KCNN2: variants seen among roughly 807,000 people sequenced by gnomAD.
The protein encoded by KCNN2 is small conductance calcium-activated potassium channel protein 2.
Under a neutral mutation model 55.5 loss-of-function variants are expected in KCNN2, and 24 were observed. The observed-to-expected ratio is 0.43, with a 90% CI of 0.31 to 0.61. KCNN2 has a LOEUF of 0.61. Among genes scored for constraint, KCNN2 ranks in the 20% least tolerant of loss-of-function variants. KCNN2 has a pLI of 0.08. For missense variants in KCNN2, 754 were observed against 853.6 expected (o/e 0.88, Z 1.45); for synonymous variants, 431 against 336.1 (o/e 1.28, Z -3.09).
At chr5:114,162,052 C>T (rs904562290) in intron 1 of KCNN2, among the ~76,000 whole-genome samples, 2 of 152,230 alleles carry the variant, frequency 1.3e-5, no homozygotes, top group African/African-American at 4.8e-5. Flanking sequence ...TGAGGAGCTG[C>T]ATTCCTTTGG....
At chr5:114,487,242 T>C in intron 6 of KCNN2, 65 bp downstream of exon 6, 1 of 1,434,960 alleles carries the variant, frequency 7.0e-7, no homozygotes, top group Admixed American at 2.0e-5. Context: ...TGCACTTGTT[T>C]ATTCTTGTTT....
chr5:114,309,624 T>C (rs1221002808), intron 2 of KCNN2, among the ~76,000 whole-genome samples: 1 of 152,186 alleles, frequency 6.6e-6, no homozygotes, highest in Non-Finnish European at 1.5e-5. Flanking sequence ...AATTCATTTG[T>C]CAGAGAGACC....
chr5:114,196,747 C>T (rs1481285081), intron 1 of KCNN2, among the ~76,000 whole-genome samples: 1 of 151,962 alleles, frequency 6.6e-6, no homozygotes, highest in Non-Finnish European at 1.5e-5. Context: ...TTTATCATTT[C>T]ATCAAAATAT....
intron 5 of KCNN2, among the ~76,000 whole-genome samples, chr5:114,486,495 AT>A (rs1747543629): frequency 6.6e-6 from 1 of 152,198 alleles, no homozygotes; most frequent in Non-Finnish European, 1.5e-5. Context: ...CAACAAAATC[AT>A]AACGTAGACT....
At chr5:114,112,120 C>A (rs1262094601) in intron 1 of KCNN2, among the ~76,000 whole-genome samples, 2 of 152,108 alleles carry the variant, frequency 1.3e-5, no homozygotes, top group South Asian at 4.1e-4. Flanking sequence ...AAATATGGCA[C>A]ATATACAACA....
intron 2 of KCNN2, among the ~76,000 whole-genome samples, chr5:114,270,334 C>CTA (rs1460811957): frequency 6.6e-6 from 1 of 152,112 alleles, no homozygotes; most frequent in Non-Finnish European, 1.5e-5. Context: ...GTCTTTAGGA[C>CTA]AAGAATGCGC....
At chr5:114,247,201 C>G (rs1383050359) in intron 2 of KCNN2, among the ~76,000 whole-genome samples, 1 of 64,976 alleles carries the variant, frequency 1.5e-5, no homozygotes, top group African/African-American at 7.3e-5. Context: ...CCATATGTCT[C>G]CAAAAAAAAA....
chr5:114,167,107 A>G (rs1250215634), intron 1 of KCNN2, among the ~76,000 whole-genome samples: 1 of 152,100 alleles, frequency 6.6e-6, no homozygotes, highest in Non-Finnish European at 1.5e-5. Flanking sequence ...TGAGATCCTA[A>G]ACAATAGCCA....
intron 1 of KCNN2, among the ~76,000 whole-genome samples, chr5:114,087,080 T>C (rs1240937344): frequency 6.6e-6 from 1 of 152,092 alleles, no homozygotes; most frequent in Non-Finnish European, 1.5e-5. Context: ...TGTATGTTTC[T>C]TTGAGAAGTG....
chr5:114,479,880 C>T (rs550355824), intron 5 of KCNN2, among the ~76,000 whole-genome samples: 251 of 152,198 alleles, frequency 1.6e-3, no homozygotes, highest in African/African-American at 6.0e-3. Context: ...GCAGCTAAAG[C>T]AGTGTTAAGA....
intron 5 of KCNN2, among the ~76,000 whole-genome samples, chr5:114,483,529 G>A (rs950957899): frequency 6.6e-6 from 1 of 151,952 alleles, no homozygotes; most frequent in African/African-American, 2.4e-5. Flanking sequence ...ACTCATCTCG[G>A]CCTCCCAAAG....
chr5:114,479,591 T>C (rs1762132753), intron 5 of KCNN2, among the ~76,000 whole-genome samples: 2 of 151,792 alleles, frequency 1.3e-5, no homozygotes, highest in Non-Finnish European at 3.0e-5. Flanking sequence ...TTCTGATCGC[T>C]ATGTGGCACT....
At chr5:114,220,389 TAACCC>T (rs1754108755) in intron 1 of KCNN2, among the ~76,000 whole-genome samples, 1 of 152,070 alleles carries the variant, frequency 6.6e-6, no homozygotes, top group African/African-American at 2.4e-5. Context: ...GGAAAAAATC[TAACCC>T]AAGAAGATTA....
At chr5:114,136,077 C>G (rs913573606) in intron 1 of KCNN2, among the ~76,000 whole-genome samples, 3 of 152,096 alleles carry the variant, frequency 2.0e-5, no homozygotes, top group African/African-American at 7.2e-5. Flanking sequence ...CAATTGAGTT[C>G]CCACAAAAAT....
chr5:114,496,219 C>T lies in KCNN2; in HGVS notation c.*37C>T. 1 of 1,598,270 alleles carries T rather than the reference C, an allele frequency of 6.3e-7. No homozygotes were observed. The highest frequency in any genetic ancestry group is 8.5e-7 in the Non-Finnish European group (1 of 1,169,778). ...TTAACCACAAAATAAGACTTTTTGC[C>T]ATCATATGGTCAATATTTTAGCTTT... On this transcript the variant is annotated 3_prime_UTR_variant, in exon 8 of 8. Transcript: ENST00000673685.
At chr5:114,108,856 A>G (rs1269229377) in intron 1 of KCNN2, among the ~76,000 whole-genome samples, 2 of 152,086 alleles carry the variant, frequency 1.3e-5, no homozygotes, top group Non-Finnish European at 2.9e-5. Flanking sequence ...TTTTGTGGGC[A>G]TATGTATTAC....
At chr5:114,246,596 G>A (rs1282380948) in intron 2 of KCNN2, among the ~76,000 whole-genome samples, 3 of 151,450 alleles carry the variant, frequency 2.0e-5, no homozygotes, top group Non-Finnish European at 2.9e-5. Flanking sequence ...CATTGGTATC[G>A]TACTTTTAGA....
chr5:114,161,010 G>A (rs1445331030), intron 1 of KCNN2, among the ~76,000 whole-genome samples: 3 of 152,030 alleles, frequency 2.0e-5, no homozygotes, highest in East Asian at 1.9e-4. Flanking sequence ...TTACATTTAA[G>A]GTTTGTATTG....
At chr5:114,380,876 GA>G (rs1480463702) in intron 2 of KCNN2, among the ~76,000 whole-genome samples, 1 of 152,162 alleles carries the variant, frequency 6.6e-6, no homozygotes, top group Non-Finnish European at 1.5e-5. Context: ...TCTCAGTTGA[GA>G]GGGCAGCTCC....
Sources: allele counts gnomAD v4.1 joint callset (sites outside exome capture counted in the v4.1 genomes callset), GRCh38; gene constraint gnomAD v4.1.1; transcripts MANE v1.5; gene names NCBI Gene and HGNC (gene_info 2026-07-23, HGNC 2026-07-21).